Variants in ZNF592 observed in about 807,000 individuals in gnomAD.
The protein encoded by ZNF592 is spinocerebellar ataxia, autosomal recessive 5.
ZNF592 carries 11 observed loss-of-function variants against 80.3 expected under a neutral mutation model. The observed-to-expected ratio is 0.14, with a 90% CI of 0.09 to 0.23. The LOEUF is 0.23. Among genes scored for constraint, ZNF592 ranks in the 10% least tolerant of loss-of-function variants. ZNF592 has a pLI of 1.00. For synonymous variants in ZNF592, 646 were observed against 640.3 expected (o/e 1.01, Z -0.13); for missense variants, 1,420 against 1,633.9 (o/e 0.87, Z 2.26).
At chr15:84,779,973 T>C (rs1007028179) in intron 3 of ZNF592, among the ~76,000 whole-genome samples, 12 of 151,624 alleles carry the variant, frequency 7.9e-5, no homozygotes, top group Admixed American at 5.9e-4. Flanking sequence ...TCAATCTTTT[T>C]TTCCTAGACA....
At chr15:84,748,895 T>TCCGCCGCTGCGACCGCCGCTGCGA (rs550685087) in intron 1 of ZNF592, among the ~76,000 whole-genome samples, 5 of 149,318 alleles carry the variant, frequency 3.3e-5, no homozygotes, top group African/African-American at 1.2e-4. Flanking sequence ...GCCGGCCCCT[T>TCCGCCGCTGCGACCGCCGCTGCGA]CCGCCGCTGC....
At chr15:84,777,485 A>G (rs1202484400) in intron 2 of ZNF592, among the ~76,000 whole-genome samples, 1 of 151,650 alleles carries the variant, frequency 6.6e-6, no homozygotes, top group Non-Finnish European at 1.5e-5. Flanking sequence ...CAAAAAAAAA[A>G]AAAAAGAAAA....
intron 5 of ZNF592, among the ~76,000 whole-genome samples, chr15:84,797,440 A>C (rs531394260): frequency 6.6e-6 from 1 of 152,330 alleles, no homozygotes; most frequent in African/African-American, 2.4e-5. Flanking sequence ...GCCTGTGGGA[A>C]GGCATGGGCT....
chr15:84,754,096 C>A (rs1481668639), intron 1 of ZNF592, among the ~76,000 whole-genome samples: 1 of 152,124 alleles, frequency 6.6e-6, no homozygotes, highest in East Asian at 1.9e-4. Context: ...ACATTTGATC[C>A]TTTTTATGGC....
chr15:84,783,888 C>G lies in ZNF592; in HGVS notation c.1213C>G (p.Pro405Ala). 6.2e-7 allele frequency: 1 copy of G among 1,614,156 alleles called. No homozygotes were observed. Residue 405 changes from proline (P) to alanine (A), a missense_variant, in exon 4 of 11, where the codon CCT becomes GCT. Coordinates refer to ENST00000560079, the MANE Select transcript of ZNF592 (RefSeq NM_014630.3). This position sits in a 1 kb window ranked among gnomAD's most constrained non-coding sequence, Gnocchi z 5.0. ...AGATCCTGATGATCCAAGTAAGTCC[C>G]CTGTTGGGTCACCTCTAGGGAGCGC... is the stretch of plus-strand genomic sequence containing the variant. ...LPDPDDPSKS[P>A]VGSPLGSAIA...
chr15:84,775,110 TC>T (rs1427697416), intron 2 of ZNF592, among the ~76,000 whole-genome samples: 2 of 151,764 alleles, frequency 1.3e-5, no homozygotes, highest in Non-Finnish European at 2.9e-5. Context: ...TCTTTTTTTT[TC>T]CTAAGATAGG....
At chr15:84,782,164 T>A (rs1400458731) in intron 3 of ZNF592, among the ~76,000 whole-genome samples, 6 of 152,222 alleles carry the variant, frequency 3.9e-5, no homozygotes, top group Non-Finnish European at 1.5e-5. Context: ...TTGGATTTGA[T>A]TGAATTTATG....
intron 1 of ZNF592, among the ~76,000 whole-genome samples, chr15:84,758,500 G>A (rs1221481418): frequency 1.3e-5 from 2 of 152,064 alleles, no homozygotes; most frequent in African/African-American, 4.8e-5. Context: ...GCCCAGGCTG[G>A]TCTTGAACTC....
intron 2 of ZNF592, among the ~76,000 whole-genome samples, chr15:84,767,586 A>G (rs1396782137): frequency 6.6e-6 from 1 of 152,094 alleles, no homozygotes; most frequent in South Asian, 2.1e-4. Context: ...CAAAGAAGGA[A>G]AGGTAAAGGG....
chr15:84,773,595 A>G (rs1962154436), intron 2 of ZNF592, among the ~76,000 whole-genome samples: 2 of 152,166 alleles, frequency 1.3e-5, no homozygotes, highest in African/African-American at 4.8e-5. Context: ...GAAGATCTAC[A>G]GAGCACCCTG....
At chr15:84,793,032 A>C (rs1401921702) in intron 5 of ZNF592, among the ~76,000 whole-genome samples, 1 of 152,186 alleles carries the variant, frequency 6.6e-6, no homozygotes, top group Non-Finnish European at 1.5e-5. Context: ...ATAGTAATAC[A>C]ATCAACACTT....
At chr15:84,787,944 C>A (rs528535970) in intron 4 of ZNF592, among the ~76,000 whole-genome samples, 2 of 152,276 alleles carry the variant, frequency 1.3e-5, no homozygotes, top group Non-Finnish European at 2.9e-5. Flanking sequence ...GAAATTGGGT[C>A]ATGTGTTCTG....
At chr15:84,756,079 G>A (rs1248911449) in intron 1 of ZNF592, among the ~76,000 whole-genome samples, 1 of 152,186 alleles carries the variant, frequency 6.6e-6, no homozygotes, top group African/African-American at 2.4e-5. Context: ...ACAACAGCAT[G>A]GGGATTCTAG....
At chr15:84,758,011 C>T (rs1389842896) in intron 1 of ZNF592, among the ~76,000 whole-genome samples, 2 of 148,556 alleles carry the variant, frequency 1.3e-5, no homozygotes, top group East Asian at 2.0e-4. Context: ...CTTGCTCTGT[C>T]GCCCAGGCTA....
chr15:84,775,508 C>T (rs181050677), intron 2 of ZNF592, among the ~76,000 whole-genome samples: 20 of 152,280 alleles, frequency 1.3e-4, no homozygotes, highest in African/African-American at 4.8e-4. Context: ...TCTCAGCTCA[C>T]TGCAACCTCC....
intron 1 of ZNF592, among the ~76,000 whole-genome samples, chr15:84,751,515 T>C (rs1386361123): frequency 6.6e-6 from 1 of 152,236 alleles, no homozygotes; most frequent in Non-Finnish European, 1.5e-5. Context: ...CATACAGTTG[T>C]TGTACAGATT....
chr15:84,796,686 G>GT (rs924974593), intron 5 of ZNF592, among the ~76,000 whole-genome samples: 2 of 151,262 alleles, frequency 1.3e-5, no homozygotes. Flanking sequence ...TAAGACAATT[G>GT]TTTATCTTAT....
At chr15:84,756,244 G>A (rs1899166035) in intron 1 of ZNF592, among the ~76,000 whole-genome samples, 1 of 152,230 alleles carries the variant, frequency 6.6e-6, no homozygotes, top group Admixed American at 6.5e-5. Context: ...CTAGTCTTTG[G>A]ATACAGGAAC....
rs992678621 is a variant in ZNF592, at chr15:84,797,797, C to A, written c.2400-72C>A. On this transcript the variant is annotated intron_variant, in intron 5 of 10. Coordinates refer to ENST00000560079, the MANE Select transcript of ZNF592 (RefSeq NM_014630.3). ...TCTGTTCCTCTTCTCCATCCCTCCT[C>A]TTGCAGCACCACCTCTGGGTCCAGT... 2.6e-6 allele frequency: 4 copies of A among 1,566,792 alleles called. No homozygotes were observed. In the Admixed American group the frequency reaches 5.0e-5, roughly 20 times the overall value.
Sources: gnomAD v4.1 joint callset for allele counts (sites outside exome capture counted in the v4.1 genomes callset) on GRCh38, gnomAD v4.1.1 for gene constraint, Gnocchi (gnomAD v3.1) non-coding constraint, MANE v1.5 for transcripts, NCBI Gene and HGNC (gene_info 2026-07-23, HGNC 2026-07-21) for gene names.